Variants in TTC39A observed in about 807,000 individuals in gnomAD.
The protein encoded by TTC39A is tetratricopeptide repeat domain 39A.
A neutral mutation model predicts 82.3 loss-of-function variants in TTC39A; 46 were observed. The ratio of observed to expected loss-of-function variants is 0.56; its 90% CI spans 0.44 to 0.71. TTC39A has a LOEUF of 0.71. Among genes scored for constraint, TTC39A ranks in the 30% least tolerant of loss-of-function variants. The pLI is 0.00. For synonymous variants in TTC39A, 254 were observed against 275.2 expected, an observed-to-expected ratio of 0.92 and a Z score of 0.76; for missense variants, 543 against 712.9, an observed-to-expected ratio of 0.76 and a Z score of 2.71.
intron 7 of TTC39A, chr1:51,305,636 A>C: frequency 2.8e-6 from 1 of 355,684 alleles, no homozygotes; most frequent in Non-Finnish European, 5.3e-6. Context: ...TGACACTGGT[A>C]AATGTTTAAC....
rs531079019 is a variant in TTC39A, at chr1:51,327,057, G to A, written c.41+3380C>T. ...AGGGGGTGTCAGGTAGCCTGGAGCCGCCCCCACTCTCCCCTTCCCTCCCAC... is the reference window on the plus strand; with the variant it reads ...AGGGGGTGTCAGGTAGCCTGGAGCCACCCCCACTCTCCCCTTCCCTCCCAC... On this transcript the variant is annotated intron_variant, in intron 1 of 17. Transcript: ENST00000680483. 2.6e-4 allele frequency among the ~76,000 whole-genome samples: 39 copies of A among 152,260 alleles called. No individual in the cohort carries two copies. The South Asian group carries it at 7.1e-3, about 28-fold the overall frequency.
chr1:51,334,661 A>T (rs966158597), upstream of TTC39A: 2 of 152,482 alleles, frequency 1.3e-5, no homozygotes, highest in African/African-American at 4.8e-5. Flanking sequence ...TCTCAAAAAA[A>T]AAAAAAGAAA....
At chr1:51,322,880 C>T (rs1645579323) in intron 1 of TTC39A, among the ~76,000 whole-genome samples, 1 of 152,196 alleles carries the variant, frequency 6.6e-6, no homozygotes, top group Non-Finnish European at 1.5e-5. Flanking sequence ...CCTTAGGGCC[C>T]AGCTCTAAAG....
At chr1:51,332,845 C>T (rs1382413157), upstream of TTC39A, among the ~76,000 whole-genome samples, 1 of 152,156 alleles carries the variant, frequency 6.6e-6, no homozygotes, top group Non-Finnish European at 1.5e-5. Context: ...GAGAGAGTGA[C>T]ACTTCTTTCT....
intron 4 of TTC39A, 82 bp downstream of exon 4, chr1:51,312,037 A>G: frequency 6.9e-7 from 1 of 1,439,722 alleles, no homozygotes; most frequent in Non-Finnish European, 9.5e-7. Flanking sequence ...AGGCGATGAC[A>G]GGGAAGAAAA....
intron 12 of TTC39A, 76 bp downstream of exon 12, chr1:51,301,495 AG>A: frequency 6.7e-7 from 1 of 1,485,402 alleles, no homozygotes; most frequent in East Asian, 2.5e-5. Context: ...GTGTTCAGTT[AG>A]GGATTTGGCC....
chr1:51,305,107 C>A lies in TTC39A; in HGVS notation c.628G>T (p.Glu210Ter). The A allele has an allele frequency of 6.2e-7, 1 of 1,613,616 alleles. No individual in the cohort carries two copies. Among genetic ancestry groups the A allele is most frequent in the South Asian group, 1.1e-5 (1 of 91,054 alleles). ...MLPTRILRLL[E>*]FVGFSGNKDY... ...TTGTTTCCTGAAAACCCCACAAACTCCAACAGCCTCAGGATCCTAGTAGGA... is the reference window on the plus strand; with the variant it reads ...TTGTTTCCTGAAAACCCCACAAACTACAACAGCCTCAGGATCCTAGTAGGA... Residue 210 changes from glutamate to a stop codon, truncating the protein, a stop_gained, in exon 8 of 18, where the codon GAG becomes TAG. Coordinates refer to ENST00000680483, the MANE Select transcript of TTC39A (RefSeq NM_001297663.2). LOFTEE classifies it high-confidence loss of function.
intron 2 of TTC39A, among the ~76,000 whole-genome samples, chr1:51,317,337 AG>A (rs1645322996): frequency 6.6e-6 from 1 of 152,222 alleles, no homozygotes; most frequent in South Asian, 2.1e-4. Flanking sequence ...TGGAAGTGCC[AG>A]GGTATCCCCA....
intron 11 of TTC39A, 85 bp downstream of exon 11, chr1:51,302,272 T>G: frequency 3.7e-6 from 2 of 534,396 alleles, no homozygotes; most frequent in Non-Finnish European, 6.9e-6. Flanking sequence ...ATCCTGTCCC[T>G]GAGTATGTCA....
chr1:51,295,706 C>T (rs1644389493), intron 13 of TTC39A: 1 of 262,160 alleles, frequency 3.8e-6, no homozygotes, highest in African/African-American at 2.1e-5. Context: ...CGACTGTCAG[C>T]TCTCTACTGT....
At chr1:51,316,019 C>G (rs1645268474) in intron 2 of TTC39A, among the ~76,000 whole-genome samples, 1 of 152,146 alleles carries the variant, frequency 6.6e-6, no homozygotes, top group African/African-American at 2.4e-5. Context: ...GCAATGAGCC[C>G]CAGGGAATGA....
At chr1:51,310,684 C>A (rs747319444) in intron 5 of TTC39A, among the ~76,000 whole-genome samples, 11 of 152,164 alleles carry the variant, frequency 7.2e-5, no homozygotes, top group Non-Finnish European at 1.6e-4. Context: ...GGTGAGGAGA[C>A]CTGGGCTCCA....
chr1:51,345,096 G>GGCGGCC (rs1200066393), exon 1 of TTC39A: 2 of 1,270,948 alleles, frequency 1.6e-6, no homozygotes, highest in African/African-American at 1.6e-5. Context: ...CGGCGGCGGC[G>GGCGGCC]GCGGCCGTGG....
upstream of TTC39A, chr1:51,331,272 C>T: frequency 6.5e-7 from 1 of 1,548,394 alleles, no homozygotes; most frequent in Non-Finnish European, 8.7e-7. Context: ...TGGGGGTCAC[C>T]CACAACGCTC....
chr1:51,295,543 T>A (rs1261499666), intron 13 of TTC39A: 2 of 160,240 alleles, frequency 1.2e-5, no homozygotes, highest in Non-Finnish European at 2.8e-5. Context: ...CCTAGTTCTA[T>A]GCGCCAGGCT....
upstream of TTC39A, among the ~76,000 whole-genome samples, chr1:51,334,484 C>T (rs1645949949): frequency 6.6e-6 from 1 of 151,902 alleles, no homozygotes; most frequent in Non-Finnish European, 1.5e-5. Flanking sequence ...GCCTGGGAAA[C>T]AAGAGTGAAA....
chr1:51,336,612 G>C (rs1039141720), intron 1 of TTC39A, among the ~76,000 whole-genome samples: 2 of 152,160 alleles, frequency 1.3e-5, no homozygotes, highest in Non-Finnish European at 2.9e-5. Flanking sequence ...TCAGGGGTCA[G>C]AACTTGGGAT....
At position 51,312,793 on chromosome 1, in the gene TTC39A, T is replaced by C. The variant is rs1215860793; in HGVS notation, c.278+19A>G. 8 of 1,610,820 alleles carry C rather than the reference T, an allele frequency of 5.0e-6. No homozygotes were observed. The African/African-American group carries it at 1.1e-4, about 22-fold the overall frequency. On this transcript the variant is annotated intron_variant, in intron 3 of 17. Coordinates refer to ENST00000680483, the MANE Select transcript of TTC39A (RefSeq NM_001297663.2). ...GGTGGGCCTCCCAACCTCTGATCCC[T>C]GCCCCCAATGCCCCCAACCTCTGAC...
chr1:51,309,388 C>T (rs1644996530), intron 5 of TTC39A, 63 bp from the exon 6 acceptor site: 9 of 1,610,974 alleles, frequency 5.6e-6, no homozygotes, highest in Non-Finnish European at 5.9e-6. Context: ...TGAGAGGGAT[C>T]ATGCAAGGCT....
Sources: gnomAD v4.1 joint callset for allele counts (sites outside exome capture counted in the v4.1 genomes callset) on GRCh38, gnomAD v4.1.1 for gene constraint, MANE v1.5 for transcripts, NCBI Gene and HGNC (gene_info 2026-07-23, HGNC 2026-07-21) for gene names.